The following MTBP variants were observed in gnomAD, a reference collection of about 807,000 sequenced individuals.
MTBP encodes MDM2 binding protein, also known as mdm2-binding protein.
MTBP carries 101 observed loss-of-function variants against 117.0 expected under a neutral mutation model. That is an observed-to-expected ratio of 0.86 (90% confidence interval 0.73 to 1.02). The LOEUF is 1.02. Ranked by LOEUF, MTBP falls within the 50% of genes least tolerant of loss-of-function variation. The pLI, the probability that MTBP is intolerant of heterozygous loss-of-function variation, is 0.00. For synonymous variants in MTBP, 350 were observed against 351.5 expected (o/e 1.00, Z 0.05); for missense variants, 970 against 1,030.9 (o/e 0.94, Z 0.81).
intron 10 of MTBP, among the ~76,000 whole-genome samples, chr8:120,468,372 C>G (rs951922095): frequency 2.0e-5 from 3 of 152,090 alleles, no homozygotes; most frequent in Non-Finnish European, 4.4e-5. Context: ...AAAATAGAAA[C>G]CATTACAATC....
chr8:120,449,357 T>C (rs1414360198), intron 2 of MTBP, among the ~76,000 whole-genome samples: 1 of 152,166 alleles, frequency 6.6e-6, no homozygotes, highest in African/African-American at 2.4e-5. Flanking sequence ...CTGTTAATAG[T>C]TGCCTGTAAG....
rs748506280 is a variant in MTBP, at chr8:120,456,679, A to T, written c.747+9A>T. On this transcript the variant is annotated intron_variant, in intron 7 of 21. Coordinates refer to ENST00000305949, the MANE Select transcript of MTBP (RefSeq NM_022045.5). ...AGATATGGGAAAGAAAGGTAAATGG[A>T]TTATTCACAGTTTGCCAAGTAGGCC... 4 of 1,446,848 alleles carry T rather than the reference A, an allele frequency of 2.8e-6. No individual in the cohort carries two copies. Among genetic ancestry groups the T allele is most frequent in the South Asian group, 1.2e-5 (1 of 83,396 alleles). 89.6% of individuals were successfully genotyped at this position (1,446,848 alleles called of 1,614,324 possible).
chr8:120,488,150 T>A lies in MTBP; in HGVS notation c.1166-9T>A. 1 of 1,577,202 alleles carries A rather than the reference T, an allele frequency of 6.3e-7. No individual in the cohort carries two copies. Among genetic ancestry groups the A allele is most frequent in the Non-Finnish European group, 8.6e-7 (1 of 1,166,122 alleles). On this transcript the variant is annotated splice_polypyrimidine_tract_variant and intron_variant, in intron 11 of 21. Coordinates refer to ENST00000305949, the MANE Select transcript of MTBP (RefSeq NM_022045.5). ...TCACATACTTAACAAGATAATTGTT[T>A]TTGTTTAGTTCCAGATGTTGAAGTG...
intron 10 of MTBP, among the ~76,000 whole-genome samples, chr8:120,465,655 C>CTT (rs10663319): frequency 0.46 from 47,022 of 101,748 alleles, 12,489 homozygotes; most frequent in Non-Finnish European, 0.58. Flanking sequence ...CTTATAGAGA[C>CTT]TTTTTTTTTT....
At chr8:120,457,137 A>T (rs921168770) in intron 7 of MTBP, among the ~76,000 whole-genome samples, 8 of 152,116 alleles carry the variant, frequency 5.3e-5, no homozygotes, top group Non-Finnish European at 1.0e-4. Flanking sequence ...ACCAGCCCTC[A>T]GATTTTGAAC....
At chr8:120,447,575 T>G (rs1813254211) in intron 2 of MTBP, among the ~76,000 whole-genome samples, 1 of 152,206 alleles carries the variant, frequency 6.6e-6, no homozygotes, top group Non-Finnish European at 1.5e-5. Context: ...AGTGTTGTTC[T>G]TTATAATTGA....
chr8:120,470,557 A>G (rs1014344552), intron 10 of MTBP, among the ~76,000 whole-genome samples: 3 of 152,210 alleles, frequency 2.0e-5, no homozygotes, highest in Non-Finnish European at 2.9e-5. Flanking sequence ...TCAGAGATGT[A>G]TACCTCAGTG....
chr8:120,484,505 A>G (rs1814168222), intron 11 of MTBP, among the ~76,000 whole-genome samples: 2 of 152,076 alleles, frequency 1.3e-5, no homozygotes, highest in South Asian at 2.1e-4. Flanking sequence ...ATATGTGTGT[A>G]TATATTACAT....
chr8:120,482,410 ATTCGGTCCAATC>A (rs1418418469), intron 11 of MTBP, among the ~76,000 whole-genome samples: 1 of 152,140 alleles, frequency 6.6e-6, no homozygotes, highest in Non-Finnish European at 1.5e-5. Flanking sequence ...GCTTTTTGTT[ATTCGGTCCAATC>A]TTCTATGCTT....
At position 120,479,534 on chromosome 8, in the gene MTBP, C is replaced by T. The variant is rs369583185; in HGVS notation, c.1165+8597C>T. 7.3e-4 allele frequency among the ~76,000 whole-genome samples: 111 copies of T among 152,278 alleles called. 1 individual carries two copies. Among genetic ancestry groups the T allele is most frequent in the African/African-American group, 2.6e-3 (106 of 41,544 alleles). ...CCTTTATTGTACACTTAACTTTATA[C>T]TCATTCTTTTCAAGCACATATGAAA... is the stretch of plus-strand genomic sequence containing the variant. On this transcript the variant is annotated intron_variant, in intron 11 of 21. Transcript: ENST00000305949.
chr8:120,474,016 G>C (rs1813880813), intron 11 of MTBP: 1 of 151,896 alleles, frequency 6.6e-6, no homozygotes, highest in Non-Finnish European at 1.5e-5. Flanking sequence ...TGGAACTTCT[G>C]ATTTTAAGGT....
chr8:120,514,800 C>T (rs941164145), intron 17 of MTBP, among the ~76,000 whole-genome samples: 1 of 151,938 alleles, frequency 6.6e-6, no homozygotes, highest in Non-Finnish European at 1.5e-5. Flanking sequence ...TTTATGTGTA[C>T]AATTCAAGAA....
At chr8:120,451,683 G>A (rs1306120717) in intron 4 of MTBP, 2 of 173,712 alleles carry the variant, frequency 1.2e-5, no homozygotes, top group Admixed American at 6.0e-5. Flanking sequence ...GGGCTCAAGC[G>A]ATCCTCCGAC....
intron 11 of MTBP, among the ~76,000 whole-genome samples, chr8:120,481,287 C>T (rs1814078962): frequency 6.6e-6 from 1 of 152,168 alleles, no homozygotes. Flanking sequence ...TAAACTTGCA[C>T]TTGGCTGTAC....
At position 120,518,186 on chromosome 8, in the gene MTBP, T is replaced by G. The variant is rs1033838295; in HGVS notation, c.2496+86T>G. 3.7e-5 allele frequency: 51 copies of G among 1,388,120 alleles called. No individual in the cohort carries two copies. In the Admixed American group the frequency reaches 1.2e-3, roughly 34 times the overall value. The allele number at this position is 1,388,120 out of a possible 1,614,324, so 86.0% of individuals were successfully genotyped here. ...CTTTAAAATATATGTCTAAAAAATT[T>G]TATGAATGAAATGAAACGATGTCTA... On this transcript the variant is annotated intron_variant, in intron 19 of 21. Transcript: ENST00000305949.
At chr8:120,496,848 T>C (rs1404417087) in intron 13 of MTBP, among the ~76,000 whole-genome samples, 1 of 152,212 alleles carries the variant, frequency 6.6e-6, no homozygotes, top group Non-Finnish European at 1.5e-5. Flanking sequence ...CCAGCTCTTA[T>C]ACTCCTCGGT....
intron 17 of MTBP, among the ~76,000 whole-genome samples, chr8:120,511,647 C>A (rs1814812572): frequency 6.6e-6 from 1 of 152,128 alleles, no homozygotes; most frequent in South Asian, 2.1e-4. Context: ...GTGGGAACAT[C>A]TTGTTCTACT....
intron 11 of MTBP, among the ~76,000 whole-genome samples, chr8:120,477,902 G>T (rs149237795): frequency 0.018 from 2,682 of 152,084 alleles, 80 homozygotes; most frequent in African/African-American, 0.062. Context: ...CCCATTACTG[G>T]GCATATACCC....
At chr8:120,505,757 T>G (rs1814673653) in intron 15 of MTBP, among the ~76,000 whole-genome samples, 1 of 152,208 alleles carries the variant, frequency 6.6e-6, no homozygotes, top group Admixed American at 6.5e-5. Flanking sequence ...TAGTGAAACC[T>G]CTAACTGAAA....
Sources: allele counts gnomAD v4.1 joint callset (sites outside exome capture counted in the v4.1 genomes callset), GRCh38; gene constraint gnomAD v4.1.1; transcripts MANE v1.5; gene names NCBI Gene and HGNC (gene_info 2026-07-23, HGNC 2026-07-21).